The following GPC6 variants were observed in gnomAD, a reference collection of about 807,000 sequenced individuals.
The protein encoded by GPC6 is glypican-6.
In GPC6, 14 loss-of-function variants were observed where a neutral mutation model predicts 55.2. The ratio of observed to expected loss-of-function variants is 0.25; its 90% confidence interval spans 0.17 to 0.40. GPC6 has a LOEUF of 0.40. GPC6 is among the 10% of genes least tolerant of loss of function. The probability of loss-of-function intolerance (pLI) is 1.00; values close to 1 mark genes in which losing one functional copy is unlikely to be tolerated. For missense variants in GPC6, 641 were observed against 708.5 expected (o/e 0.90, Z 1.08); for synonymous variants, 278 against 259.6 (o/e 1.07, Z -0.68).
intron 6 of GPC6, among the ~76,000 whole-genome samples, chr13:94,370,901 A>G (rs1042644976): frequency 1.4e-4 from 21 of 152,198 alleles, no homozygotes; most frequent in African/African-American, 4.6e-4. Flanking sequence ...CTATTTTGTA[A>G]TGTTCCAGAT....
At chr13:93,240,901 T>C (rs1876405028) in intron 1 of GPC6, among the ~76,000 whole-genome samples, 1 of 152,164 alleles carries the variant, frequency 6.6e-6, no homozygotes, top group Non-Finnish European at 1.5e-5. Flanking sequence ...TTTATGAAAC[T>C]AAGTTTTGCA....
At chr13:94,252,612 C>G (rs7982573) in intron 4 of GPC6, among the ~76,000 whole-genome samples, 1 of 151,872 alleles carries the variant, frequency 6.6e-6, no homozygotes, top group Non-Finnish European at 1.5e-5. Flanking sequence ...CCCACCACCA[C>G]CAACAACAAC....
At chr13:93,692,684 C>A (rs1485948888) in intron 2 of GPC6, among the ~76,000 whole-genome samples, 3 of 151,910 alleles carry the variant, frequency 2.0e-5, no homozygotes, top group African/African-American at 7.2e-5. Flanking sequence ...ATGAGGAAAG[C>A]CTTTTCTTCA....
intron 4 of GPC6, among the ~76,000 whole-genome samples, chr13:94,248,000 CT>C (rs1237816675): frequency 1.3e-5 from 2 of 151,964 alleles, no homozygotes; most frequent in Non-Finnish European, 2.9e-5. Context: ...CTGTGCCCAG[CT>C]TTGTAATTTT....
chr13:94,110,087 GA>G (rs1209473517), intron 4 of GPC6, among the ~76,000 whole-genome samples: 2 of 139,400 alleles, frequency 1.4e-5, no homozygotes, highest in Admixed American at 7.2e-5. Flanking sequence ...AAAAAGAAAA[GA>G]AAAAAAGCTG....
chr13:93,604,265 A>G (rs1348441897), intron 2 of GPC6, among the ~76,000 whole-genome samples: 3 of 152,214 alleles, frequency 2.0e-5, no homozygotes, highest in Admixed American at 6.5e-5. Flanking sequence ...GGCTGATTTC[A>G]CATTGTTATA....
intron 1 of GPC6, among the ~76,000 whole-genome samples, chr13:93,247,629 G>T (rs1393923120): frequency 1.3e-5 from 2 of 152,080 alleles, no homozygotes; most frequent in Non-Finnish European, 2.9e-5. Flanking sequence ...CCGCAATAAA[G>T]AATATATTCA....
intron 1 of GPC6, among the ~76,000 whole-genome samples, chr13:93,434,452 G>T (rs2139279144): frequency 6.6e-6 from 1 of 152,258 alleles, no homozygotes; most frequent in East Asian, 1.9e-4. Flanking sequence ...GGACAGTGAG[G>T]AATAGGCCAA....
At chr13:93,361,396 A>T (rs1216766221) in intron 1 of GPC6, among the ~76,000 whole-genome samples, 1 of 152,016 alleles carries the variant, frequency 6.6e-6, no homozygotes, top group Non-Finnish European at 1.5e-5. Context: ...AACCCCTAAG[A>T]TGTATATTGC....
chr13:94,382,043 C>T (rs1388761995), intron 6 of GPC6, among the ~76,000 whole-genome samples: 1 of 152,188 alleles, frequency 6.6e-6, no homozygotes, highest in Non-Finnish European at 1.5e-5. Flanking sequence ...GTACAGTTGT[C>T]TGACATGCAA....
chr13:93,749,579 CAGT>C (rs1381156173), intron 2 of GPC6, among the ~76,000 whole-genome samples: 4 of 151,614 alleles, frequency 2.6e-5, no homozygotes, highest in South Asian at 2.1e-4. Context: ...TATACTTAAA[CAGT>C]AGAGCATTAT....
chr13:93,884,715 C>T (rs982400956), intron 3 of GPC6, among the ~76,000 whole-genome samples: 3 of 152,032 alleles, frequency 2.0e-5, no homozygotes, highest in Non-Finnish European at 2.9e-5. Flanking sequence ...TTATTTTAAA[C>T]GTCCCTCCAT....
intron 2 of GPC6, among the ~76,000 whole-genome samples, chr13:93,601,511 A>T (rs1375882310): frequency 6.6e-6 from 1 of 152,206 alleles, no homozygotes; most frequent in African/African-American, 2.4e-5. Flanking sequence ...ATATTCTAAT[A>T]ACAGGAAAAG....
chr13:93,505,622 A>G (rs1413036024), intron 1 of GPC6, among the ~76,000 whole-genome samples: 1 of 152,186 alleles, frequency 6.6e-6, no homozygotes, highest in Non-Finnish European at 1.5e-5. Context: ...TCAGCACTAC[A>G]GCTGGGGGCC....
chr13:93,302,590 G>A (rs575038983), intron 1 of GPC6, among the ~76,000 whole-genome samples: 3 of 152,314 alleles, frequency 2.0e-5, no homozygotes, highest in Admixed American at 6.5e-5. Flanking sequence ...TCCTTCACAG[G>A]ATCAGAGAGA....
intron 2 of GPC6, among the ~76,000 whole-genome samples, chr13:93,729,974 A>G (rs1451292904): frequency 6.6e-6 from 1 of 152,216 alleles, no homozygotes; most frequent in Non-Finnish European, 1.5e-5. Context: ...ATTTTTAACA[A>G]TCTCTGCTGG....
chr13:93,708,459 C>T (rs1220581128), intron 2 of GPC6, among the ~76,000 whole-genome samples: 1 of 151,648 alleles, frequency 6.6e-6, no homozygotes, highest in Non-Finnish European at 1.5e-5. Context: ...ATTAAATTTT[C>T]TTGTGTTTAG....
chr13:93,709,200 C>A (rs937134320), intron 2 of GPC6, among the ~76,000 whole-genome samples: 11 of 151,714 alleles, frequency 7.3e-5, no homozygotes, highest in Admixed American at 7.2e-4. Flanking sequence ...ATCAATCTAG[C>A]CTGCCTTTCT....
chr13:94,129,448 C>G (rs1389564953), intron 4 of GPC6, among the ~76,000 whole-genome samples: 1 of 152,108 alleles, frequency 6.6e-6, no homozygotes, highest in African/African-American at 2.4e-5. Flanking sequence ...TTTTCCTCCT[C>G]ACTCCATTTC....
Sources: gnomAD v4.1 joint callset for allele counts (sites outside exome capture counted in the v4.1 genomes callset) on GRCh38, gnomAD v4.1.1 for gene constraint, MANE v1.5 for transcripts, NCBI Gene and HGNC (gene_info 2026-07-23, HGNC 2026-07-21) for gene names.